Variants in MGAT4D observed in about 807,000 individuals in gnomAD.
The protein encoded by MGAT4D is alpha-1,3-mannosyl-glycoprotein 4-beta-N-acetylglucosaminyltransferase-like protein MGAT4D.
MGAT4D carries 34 observed loss-of-function variants against 15.9 expected under a neutral mutation model. The observed-to-expected ratio is 2.14, with a 90% CI of 1.62 to 2.84. The LOEUF (loss-of-function observed/expected upper bound fraction) is 2.84. Ranked by LOEUF, MGAT4D falls within the 30% of genes most tolerant of loss-of-function variation. MGAT4D has a pLI of 0.00. For synonymous variants in MGAT4D, 112 were observed against 48.2 expected (o/e 2.33, Z -5.49); for missense variants, 327 against 140.2 (o/e 2.33, Z -6.73).
Position 140,468,160 on chromosome 4 carries a change from C to G in MGAT4D, c.573-3151G>C, listed in dbSNP as rs1373224520. Among the ~76,000 whole-genome samples the G allele has an allele frequency of 2.0e-5, 3 of 151,828 alleles. No individual in the cohort carries two copies. In the South Asian group the frequency reaches 6.2e-4, roughly 32 times the overall value. ...TCACATTTTAAATTATTGCTTTACT[C>G]TACTTTCACAAAAAATAATTTTATT... On this transcript the variant is annotated intron_variant, in intron 5 of 10. Transcript: ENST00000511113.
At chr4:140,469,084 T>G (rs980505935) in intron 5 of MGAT4D, among the ~76,000 whole-genome samples, 15 of 152,146 alleles carry the variant, frequency 9.9e-5, no homozygotes, top group African/African-American at 3.4e-4. Flanking sequence ...CAAACAGTAT[T>G]TGTGTCCCTT....
chr4:140,495,661 A>G (rs1285854737), intron 1 of MGAT4D, among the ~76,000 whole-genome samples: 1 of 152,234 alleles, frequency 6.6e-6, no homozygotes, highest in Non-Finnish European at 1.5e-5. Flanking sequence ...ATGAACTGTT[A>G]ATACTATGAG....
chr4:140,464,739 G>C (rs1477225386), intron 6 of MGAT4D, among the ~76,000 whole-genome samples, 157 bp downstream of exon 6: 2 of 152,190 alleles, frequency 1.3e-5, no homozygotes, highest in African/African-American at 4.8e-5. Flanking sequence ...ATTGAATACA[G>C]AGTTGGGAAG....
At chr4:140,497,112 G>A (rs943570759) in intron 1 of MGAT4D, among the ~76,000 whole-genome samples, 5 of 152,104 alleles carry the variant, frequency 3.3e-5, no homozygotes, top group Admixed American at 6.5e-5. Flanking sequence ...GTATTAACTG[G>A]AGGGCTAAAA....
intron 10 of MGAT4D, among the ~76,000 whole-genome samples, chr4:140,447,714 G>T (rs1415582186): frequency 3.3e-5 from 5 of 151,884 alleles, no homozygotes; most frequent in South Asian, 2.1e-4. Context: ...TTCAAGATTA[G>T]TATTAATATG....
At chr4:140,490,769 G>A (rs879873872) in intron 1 of MGAT4D, among the ~76,000 whole-genome samples, 1 of 152,084 alleles carries the variant, frequency 6.6e-6, no homozygotes, top group African/African-American at 2.4e-5. Flanking sequence ...ACTTTATTTT[G>A]GTTTGGGTTT....
intron 3 of MGAT4D, among the ~76,000 whole-genome samples, chr4:140,477,539 A>G (rs1732416847): frequency 6.6e-6 from 1 of 152,226 alleles, no homozygotes; most frequent in African/African-American, 2.4e-5. Flanking sequence ...AGGTATGTTC[A>G]TTATAGGCAG....
At position 140,464,904 on chromosome 4, in the gene MGAT4D, T is replaced by A. The variant is rs1423890138; in HGVS notation, c.678A>T (p.Lys226Asn). The A allele has an allele frequency of 1.4e-6, 1 of 702,470 alleles. No homozygotes were observed. The highest frequency in any genetic ancestry group is 2.0e-5 in the Admixed American group (1 of 49,946). The allele number at this position is 702,470 out of a possible 1,614,324, so 43.5% of individuals were successfully genotyped here. A position where few individuals can be genotyped will look rare whatever the true frequency, so the allele number is the denominator to read the frequency against. ...NAKHLAEASQ[K>N]LASWRIKQVL... ...TTTCTAATATGACATACCTGGCTAA[T>A]TTTTGTGAGGCCTCAGCTAAGTGCT... Residue 226 changes from lysine to asparagine, a missense_variant, in exon 6 of 11, where the codon AAA (lysine) becomes AAT (asparagine). By Grantham distance (94) the Lys-to-Asn change is moderately conservative. Transcript: ENST00000511113.
chr4:140,497,983 G>C (rs1733949215), intron 1 of MGAT4D, 146 bp downstream of exon 1: 1 of 515,552 alleles, frequency 1.9e-6, no homozygotes, highest in African/African-American at 2.1e-5. Flanking sequence ...GGAAGGCACC[G>C]ACGCGGGCCT....
At chr4:140,492,981 AATACATT>A (rs1733601758) in intron 1 of MGAT4D, among the ~76,000 whole-genome samples, 1 of 152,220 alleles carries the variant, frequency 6.6e-6, no homozygotes, top group Non-Finnish European at 1.5e-5. Flanking sequence ...CTTTTTCAAA[AATACATT>A]CTTATTGTTT....
chr4:140,485,419 T>A (rs890871918), intron 1 of MGAT4D, among the ~76,000 whole-genome samples: 1 of 150,570 alleles, frequency 6.6e-6, no homozygotes, highest in Non-Finnish European at 1.5e-5. Flanking sequence ...GGGTAGGGGG[T>A]AGGGATAGCA....
At chr4:140,493,898 T>C (rs1382167368) in intron 1 of MGAT4D, among the ~76,000 whole-genome samples, 1 of 152,126 alleles carries the variant, frequency 6.6e-6, no homozygotes, top group Non-Finnish European at 1.5e-5. Context: ...CTGCCAGCCT[T>C]TGCTGGGGTG....
At chr4:140,449,237 T>A (rs987830221) in intron 10 of MGAT4D, among the ~76,000 whole-genome samples, 4 of 152,260 alleles carry the variant, frequency 2.6e-5, no homozygotes, top group Non-Finnish European at 4.4e-5. Context: ...CCAAAAGAAA[T>A]TTGTATGTTT....
chr4:140,498,084 G>GC, intron 1 of MGAT4D, 45 bp downstream of exon 1: 1 of 693,966 alleles, frequency 1.4e-6, no homozygotes, highest in Non-Finnish European at 2.6e-6. Flanking sequence ...CAGCCCCGAA[G>GC]CCCCCGCGGC....
chr4:140,452,885 AT>A (rs1204350320), intron 9 of MGAT4D, among the ~76,000 whole-genome samples: 2 of 152,002 alleles, frequency 1.3e-5, no homozygotes, highest in African/African-American at 4.8e-5. Context: ...TAGATAGATG[AT>A]TTTTTGTGTT....
intron 5 of MGAT4D, among the ~76,000 whole-genome samples, chr4:140,465,613 C>A (rs1394891496): frequency 6.6e-6 from 1 of 152,008 alleles, no homozygotes; most frequent in East Asian, 1.9e-4. Flanking sequence ...GGATGGGAAA[C>A]CAAGTAGAAA....
intron 9 of MGAT4D, among the ~76,000 whole-genome samples, chr4:140,456,118 A>T (rs1730780100): frequency 6.6e-6 from 1 of 152,232 alleles, no homozygotes; most frequent in South Asian, 2.1e-4. Flanking sequence ...AGCCTGGGCT[A>T]CAGAATGAGT....
At chr4:140,494,804 G>A (rs542808573) in intron 1 of MGAT4D, among the ~76,000 whole-genome samples, 1 of 152,190 alleles carries the variant, frequency 6.6e-6, no homozygotes, top group South Asian at 2.1e-4. Context: ...GGCATATCCT[G>A]GATAGAACCC....
intron 9 of MGAT4D, 84 bp downstream of exon 9, chr4:140,456,500 ATTTGG>A (rs2126701385): frequency 4.4e-6 from 2 of 458,262 alleles, no homozygotes; most frequent in East Asian, 6.7e-5. Flanking sequence ...CATTTATCAG[ATTTGG>A]TTTGGTAAAC....
Sources: allele counts gnomAD v4.1 joint callset (sites outside exome capture counted in the v4.1 genomes callset), GRCh38; gene constraint gnomAD v4.1.1; transcripts MANE v1.5; gene names NCBI Gene and HGNC (gene_info 2026-07-23, HGNC 2026-07-21).